Variants in CCDC3 observed in about 807,000 individuals in gnomAD.
The protein encoded by CCDC3 is coiled-coil domain-containing protein 3.
In CCDC3, 24 loss-of-function variants were observed where a neutral mutation model predicts 21.4. That is an observed-to-expected ratio of 1.12 (90% CI 0.81 to 1.58). The LOEUF is 1.58. Among genes scored for constraint, CCDC3 ranks in the 40% most tolerant of loss-of-function variants. The pLI is 0.00. For synonymous variants in CCDC3, 186 were observed against 166.0 expected (o/e 1.12, Z -0.93); for missense variants, 425 against 360.9 (o/e 1.18, Z -1.44).
intron 2 of CCDC3, among the ~76,000 whole-genome samples, chr10:12,997,376 C>T (rs1835778298): frequency 1.3e-5 from 2 of 152,230 alleles, no homozygotes; most frequent in Admixed American, 1.3e-4. Flanking sequence ...GAGGCCTAGA[C>T]TGGCCTGGCC....
intron 2 of CCDC3, among the ~76,000 whole-genome samples, chr10:12,959,764 A>T (rs1346441021): frequency 6.6e-6 from 1 of 152,184 alleles, no homozygotes; most frequent in Admixed American, 6.5e-5. Flanking sequence ...TCAAAGCCAG[A>T]GCCTCTTCCA....
intron 4 of CCDC3, among the ~76,000 whole-genome samples, chr10:13,073,058 G>A (rs1252173464): frequency 6.6e-6 from 1 of 151,776 alleles, no homozygotes; most frequent in Non-Finnish European, 1.5e-5. Flanking sequence ...GTAGAGACGA[G>A]TTTCACCATG....
rs1834032064 is a variant in CCDC3 at position 12,898,250 on chromosome 10, A to T, written c.*166T>A. 2 of 817,232 alleles carry T rather than the reference A, an allele frequency of 2.4e-6. No individual in the cohort carries two copies. The highest frequency in any genetic ancestry group is 3.7e-6 in the Non-Finnish European group (2 of 534,486). 50.6% of individuals were successfully genotyped at this position (817,232 alleles called of 1,614,324 possible). A position where few individuals can be genotyped will look rare whatever the true frequency, so the allele number is the denominator to read the frequency against. On this transcript the variant is annotated 3_prime_UTR_variant, in exon 3 of 3. Coordinates refer to ENST00000378825, the MANE Select transcript of CCDC3 (RefSeq NM_031455.4). ...CGTGGGGTCTGACATTGAGGCCAGCACCCAAGGGGAAAGCAAGCCTTGCAT... is the reference window on the plus strand; with the variant it reads ...CGTGGGGTCTGACATTGAGGCCAGCTCCCAAGGGGAAAGCAAGCCTTGCAT...
intron 5 of CCDC3, among the ~76,000 whole-genome samples, chr10:13,028,744 T>G (rs4356129): frequency 6.6e-6 from 1 of 151,784 alleles, no homozygotes; most frequent in Non-Finnish European, 1.5e-5. Context: ...GATAGAAATA[T>G]GAATATTTAG....
At chr10:12,983,795 T>C (rs1468350457) in intron 2 of CCDC3, among the ~76,000 whole-genome samples, 1 of 152,000 alleles carries the variant, frequency 6.6e-6, no homozygotes, top group Non-Finnish European at 1.5e-5. Context: ...AAAGCCACAC[T>C]GAGGCTGGGC....
At chr10:13,049,053 C>T (rs1027434927) in intron 5 of CCDC3, among the ~76,000 whole-genome samples, 5 of 152,126 alleles carry the variant, frequency 3.3e-5, no homozygotes, top group Non-Finnish European at 7.4e-5. Context: ...ATCAGATCAC[C>T]TGACTCGATA....
chr10:12,959,656 G>A (rs545695475), intron 2 of CCDC3, among the ~76,000 whole-genome samples: 236 of 152,252 alleles, frequency 1.6e-3, no homozygotes, highest in Middle Eastern at 3.4e-3. Flanking sequence ...AGAGCTGGAA[G>A]GGGCCTTACA....
chr10:12,934,609 CTCA>C (rs1370962914), intron 2 of CCDC3, among the ~76,000 whole-genome samples: 1 of 152,056 alleles, frequency 6.6e-6, no homozygotes, highest in Non-Finnish European at 1.5e-5. Flanking sequence ...CAGTTTTTGC[CTCA>C]TATTTTGATG....
intron 2 of CCDC3, among the ~76,000 whole-genome samples, chr10:12,932,364 ATAATC>A (rs1197503163): frequency 6.6e-6 from 1 of 152,248 alleles, no homozygotes; most frequent in Non-Finnish European, 1.5e-5. Flanking sequence ...GTTGGACAAA[ATAATC>A]TAACACAAAG....
rs1162345087 is a variant in CCDC3 at position 13,072,019 on chromosome 10, A to C, written c.-270+1849T>G. 2.0e-5 allele frequency among the ~76,000 whole-genome samples: 3 copies of C among 152,096 alleles called. No individual in the cohort carries two copies. The East Asian group carries it at 5.8e-4, about 29-fold the overall frequency. ...CAGGAGAAGGGAACCCAGAAGTCCA[A>C]ATGCTGGCAAAAGGGTAGTTTCATT... is the stretch of plus-strand genomic sequence containing the variant. On this transcript the variant is annotated intron_variant, in intron 4 of 6. Coordinates refer to the CCDC3 transcript ENST00000378839.
intron 3 of CCDC3, among the ~76,000 whole-genome samples, chr10:13,085,368 A>G (rs1429639907): frequency 6.6e-6 from 1 of 152,190 alleles, no homozygotes; most frequent in Non-Finnish European, 1.5e-5. Flanking sequence ...GGCAACTTTC[A>G]CATGTCAGTT....
At chr10:12,999,164 T>C (rs1300123554) in intron 1 of CCDC3, among the ~76,000 whole-genome samples, 4 of 152,028 alleles carry the variant, frequency 2.6e-5, no homozygotes, top group Non-Finnish European at 4.4e-5. Context: ...CACTTGAACC[T>C]AGGAGGCGGA....
At chr10:13,053,178 C>T (rs1836635205) in intron 4 of CCDC3, among the ~76,000 whole-genome samples, 1 of 152,128 alleles carries the variant, frequency 6.6e-6, no homozygotes, top group African/African-American at 2.4e-5. Context: ...ACTAAAAAGA[C>T]TGAAGGTAGA....
intron 5 of CCDC3, among the ~76,000 whole-genome samples, chr10:13,028,146 A>C (rs184581313): frequency 6.6e-6 from 1 of 152,320 alleles, no homozygotes; most frequent in Non-Finnish European, 1.5e-5. Context: ...CCCATGTGTC[A>C]TGAGAGGGAC....
At chr10:12,985,366 AGG>A (rs58754344) in intron 2 of CCDC3, among the ~76,000 whole-genome samples, 2,346 of 152,352 alleles carry the variant, frequency 0.015, 65 homozygotes, top group African/African-American at 0.053. Flanking sequence ...AATTAATTTC[AGG>A]GTTTCTTTTA....
intron 5 of CCDC3, among the ~76,000 whole-genome samples, chr10:13,031,348 G>A (rs1836297962): frequency 6.6e-6 from 1 of 152,138 alleles, no homozygotes; most frequent in Non-Finnish European, 1.5e-5. Flanking sequence ...TTAAAGCAGT[G>A]TGTAGAGGGA....
At chr10:12,980,845 T>C (rs1391158299) in intron 2 of CCDC3, among the ~76,000 whole-genome samples, 2 of 151,674 alleles carry the variant, frequency 1.3e-5, no homozygotes, top group East Asian at 3.9e-4. Context: ...ACAGGGGACT[T>C]TGGAAACAGA....
Position 13,078,815 on chromosome 10 carries a change from A to G in CCDC3, c.-502-4715T>C, listed in dbSNP as rs375092420. Among the ~76,000 whole-genome samples, 302 of 146,944 alleles carry G rather than the reference A, an allele frequency of 2.1e-3. 1 individual carries two copies. The highest frequency in any genetic ancestry group is 7.2e-3 in the African/African-American group (290 of 40,246). ...CATAGGTGGGAACTGAACAATGAGAACACTTGGACACAGGGTGGGGAACAT... is the reference window on the plus strand; with the variant it reads ...CATAGGTGGGAACTGAACAATGAGAGCACTTGGACACAGGGTGGGGAACAT... On this transcript the variant is annotated intron_variant, in intron 3 of 6. Coordinates refer to the CCDC3 transcript ENST00000378839.
intron 3 of CCDC3, among the ~76,000 whole-genome samples, chr10:13,096,410 C>T (rs567483286): frequency 1.3e-5 from 2 of 152,254 alleles, no homozygotes; most frequent in South Asian, 4.2e-4. Context: ...GTCTTGAACT[C>T]CTGACCTCAA....
Sources: gnomAD v4.1 joint callset for allele counts (sites outside exome capture counted in the v4.1 genomes callset) on GRCh38, gnomAD v4.1.1 for gene constraint, MANE v1.5 for transcripts, NCBI Gene and HGNC (gene_info 2026-07-23, HGNC 2026-07-21) for gene names.